Variants in ARK2C observed in about 807,000 individuals in gnomAD.
ARK2C encodes the protein E3 ubiquitin-protein ligase ARK2C.
the ARK2C span, among the ~76,000 whole-genome samples, chr18:46,396,121 G>A: frequency 1.3e-5 from 2 of 152,176 alleles, no homozygotes; most frequent in Non-Finnish European, 2.9e-5. Context: ...AAGACCCTTT[G>A]GGGCTTAGGC....
At chr18:46,419,243 G>A in the ARK2C span, among the ~76,000 whole-genome samples, 2 of 152,148 alleles carry the variant, frequency 1.3e-5, no homozygotes, top group Admixed American at 1.3e-4. Flanking sequence ...GGGAGGTGCA[G>A]GTGCTCTCAG....
At chr18:46,405,172 C>T in the ARK2C span, among the ~76,000 whole-genome samples, 1 of 152,120 alleles carries the variant, frequency 6.6e-6, no homozygotes, top group Non-Finnish European at 1.5e-5. Flanking sequence ...GGGTTGCTCT[C>T]TGGGACACAG....
the ARK2C span, chr18:46,462,465 A>G: frequency 3.3e-5 from 5 of 152,502 alleles, no homozygotes; most frequent in East Asian, 5.8e-4. Flanking sequence ...CATACTGCCC[A>G]GGGAGGCTGT....
At chr18:46,412,715 C>T in the ARK2C span, among the ~76,000 whole-genome samples, 1 of 152,256 alleles carries the variant, frequency 6.6e-6, no homozygotes, top group African/African-American at 2.4e-5. Flanking sequence ...ACTACCCCCA[C>T]CCCTCCCAAC....
At chr18:46,378,803 G>T in the ARK2C span, among the ~76,000 whole-genome samples, 1 of 152,200 alleles carries the variant, frequency 6.6e-6, no homozygotes, top group Non-Finnish European at 1.5e-5. Flanking sequence ...GGAGAGGAGC[G>T]CTGCTATGGA....
the ARK2C span, among the ~76,000 whole-genome samples, chr18:46,414,842 C>G: frequency 6.6e-6 from 1 of 152,178 alleles, no homozygotes; most frequent in African/African-American, 2.4e-5. Flanking sequence ...CATTGGGAGC[C>G]ATTTCACCCC....
chr18:46,439,274 G>A, the ARK2C span, among the ~76,000 whole-genome samples: 1 of 152,222 alleles, frequency 6.6e-6, no homozygotes, highest in East Asian at 1.9e-4. Flanking sequence ...TGACATTGCA[G>A]GGCAATGCGT....
At chr18:46,407,724 A>G in the ARK2C span, among the ~76,000 whole-genome samples, 8 of 152,196 alleles carry the variant, frequency 5.3e-5, no homozygotes, top group African/African-American at 1.9e-4. Context: ...ACATGCTGGG[A>G]GCTGGTGCTG....
At chr18:46,392,570 C>T in the ARK2C span, among the ~76,000 whole-genome samples, 3 of 178 alleles carry the variant, frequency 0.017, no homozygotes, top group Non-Finnish European at 0.035. Flanking sequence ...GGACACGGCT[C>T]AGAGGAGAGG....
chr18:46,392,512 G>A, the ARK2C span, among the ~76,000 whole-genome samples: 18 of 152,318 alleles, frequency 1.2e-4, no homozygotes, highest in East Asian at 3.3e-3. Context: ...CACTCCAGGA[G>A]TCTCTGAAGG....
the ARK2C span, among the ~76,000 whole-genome samples, chr18:46,371,364 A>G: frequency 1.3e-5 from 2 of 152,186 alleles, no homozygotes; most frequent in East Asian, 3.8e-4. Context: ...GGGTCTGATA[A>G]GGAGGAAGCA....
chr18:46,398,303 G>A, the ARK2C span, among the ~76,000 whole-genome samples: 1 of 151,670 alleles, frequency 6.6e-6, no homozygotes, highest in Admixed American at 6.6e-5. Context: ...TGTTCACAGT[G>A]AGGCCGCAGG....
At chr18:46,334,485 G>T in the ARK2C span, 1 of 615,322 alleles carries the variant, frequency 1.6e-6, no homozygotes, top group Non-Finnish European at 2.5e-6. The surrounding 1 kb of genome is among the most constrained non-coding windows in gnomAD (Gnocchi z 4.4). Context: ...ATTTTAGGGG[G>T]ACCCCCGAGG....
chr18:46,377,172 A>G, the ARK2C span, among the ~76,000 whole-genome samples: 1 of 152,210 alleles, frequency 6.6e-6, no homozygotes, highest in African/African-American at 2.4e-5. Flanking sequence ...ATTCATATGA[A>G]ATATCTGAAA....
the ARK2C span, among the ~76,000 whole-genome samples, chr18:46,398,758 C>T: frequency 1.3e-5 from 2 of 151,978 alleles, no homozygotes; most frequent in Non-Finnish European, 1.5e-5. Context: ...GGCCAGATAT[C>T]CCAAATACTC....
the ARK2C span, among the ~76,000 whole-genome samples, chr18:46,357,861 T>C: frequency 6.6e-5 from 10 of 152,344 alleles, no homozygotes; most frequent in Admixed American, 6.5e-4. Flanking sequence ...AGCCGTCTCC[T>C]CTGAAGGCAC....
the ARK2C span, among the ~76,000 whole-genome samples, chr18:46,414,817 T>G: frequency 6.6e-6 from 1 of 152,118 alleles, no homozygotes; most frequent in African/African-American, 2.4e-5. Context: ...GCCATATGAG[T>G]GGCCGTGTTA....
At chr18:46,435,205 G>A in the ARK2C span, 2 of 1,227,010 alleles carry the variant, frequency 1.6e-6, no homozygotes, top group Non-Finnish European at 2.4e-6. Flanking sequence ...GGCACCCTCA[G>A]GCTGCCCCGG....
At chr18:46,394,323 T>C in the ARK2C span, among the ~76,000 whole-genome samples, 21,839 of 152,104 alleles carry the variant, frequency 0.14, 1,646 homozygotes, top group East Asian at 0.27. Flanking sequence ...GTCATATCCT[T>C]TGCCCAAGAC....
Sources: gnomAD v4.1 joint callset for allele counts (sites outside exome capture counted in the v4.1 genomes callset) on GRCh38, gnomAD v4.1.1 for gene constraint, Gnocchi (gnomAD v3.1) non-coding constraint, MANE v1.5 for transcripts, NCBI Gene and HGNC (gene_info 2026-07-23, HGNC 2026-07-21) for gene names.